PAICS: variants seen among roughly 807,000 people sequenced by gnomAD.
PAICS encodes the protein bifunctional phosphoribosylaminoimidazole carboxylase/phosphoribosylaminoimidazole succinocarboxamide synthetase.
Under a neutral mutation model 53.7 loss-of-function variants are expected in PAICS, and 33 were observed. The ratio of observed to expected loss-of-function variants is 0.61; its 90% CI spans 0.47 to 0.82. The LOEUF (loss-of-function observed/expected upper bound fraction) is 0.82, where lower values mean the gene tolerates loss of function less well. PAICS is among the 40% of genes least tolerant of loss of function. PAICS has a pLI of 0.00. For missense variants in PAICS, 394 were observed against 494.1 expected (o/e 0.80, Z 1.92); for synonymous variants, 141 against 167.2 (o/e 0.84, Z 1.21).
chr4:56,452,543 A>C (rs558462528), intron 7 of PAICS, among the ~76,000 whole-genome samples: 1 of 152,336 alleles, frequency 6.6e-6, no homozygotes, highest in East Asian at 1.9e-4. Context: ...AGAAAGGAGC[A>C]GGGAGAAATA....
chr4:56,436,149 A>T (rs1171029477), upstream of PAICS: 14 of 1,489,428 alleles, frequency 9.4e-6, no homozygotes, highest in African/African-American at 1.4e-5. Flanking sequence ...GTCTCCGCCC[A>T]TACCCCTCCG....
chr4:56,431,544 A>C (rs2110069424), upstream of PAICS: 1 of 978,470 alleles, frequency 1.0e-6, no homozygotes, highest in Admixed American at 6.1e-5. Flanking sequence ...ACCCAACTTC[A>C]TCAGGTAAAT....
At chr4:56,412,891 T>C in the PAICS span, among the ~76,000 whole-genome samples, 8 of 152,226 alleles carry the variant, frequency 5.3e-5, no homozygotes, top group South Asian at 2.1e-4. Context: ...ATTATAAAAT[T>C]ATAAGCACAT....
the PAICS span, among the ~76,000 whole-genome samples, chr4:56,413,972 T>C: frequency 1.3e-5 from 2 of 152,226 alleles, no homozygotes; most frequent in African/African-American, 4.8e-5. Flanking sequence ...GATATACAAA[T>C]TGGTAACTTT....
the PAICS span, among the ~76,000 whole-genome samples, chr4:56,416,829 A>T: frequency 1.5e-4 from 23 of 152,188 alleles, no homozygotes; most frequent in Middle Eastern, 6.8e-3. Flanking sequence ...CAATGAATTA[A>T]ATTCAGTGTA....
At chr4:56,440,789 T>C (rs1718298157) in intron 1 of PAICS, among the ~76,000 whole-genome samples, 1 of 152,246 alleles carries the variant, frequency 6.6e-6, no homozygotes, top group Admixed American at 6.5e-5. Flanking sequence ...GGAATTATTA[T>C]TTACTGGTAC....
chr4:56,436,340 G>A lies in PAICS; in HGVS notation c.16+12G>A, dbSNP rs543734641. ...GGCGACAGCTGAGGGTGAGTAACAG[G>A]GATCCGGGCCCTTCACGGTCTCCCT... On this transcript the variant is annotated intron_variant, in intron 1 of 8. Transcript: ENST00000512576. 2 of 1,581,458 alleles carry A rather than the reference G, an allele frequency of 1.3e-6. No individual in the cohort carries two copies. The highest frequency in any genetic ancestry group is 1.3e-5 in the African/African-American group (1 of 74,144).
Position 56,446,695 on chromosome 4 carries a change from G to A in PAICS, c.215G>A (p.Gly72Asp). The A allele has an allele frequency of 6.3e-7, 1 of 1,578,240 alleles. No individual in the cohort carries two copies. The change falls in exon 3 of 9, where the codon GGT (glycine) becomes GAT (aspartate). Residue 72 changes from glycine (G) to aspartate (D), a missense_variant and splice_region_variant. Gly to Asp is a moderately conservative substitution (Grantham distance 94, BLOSUM62 -1). This residue lies in a region of PAICS where 168 missense variants were observed against 199.3 expected (regional missense o/e 0.84). Transcript: ENST00000512576. Reference sequence around the variant, plus strand: ...TTTAACTTTGGTTATCAATATGTAGGTATTAAAACTGCCTTCACCAGAAAA... The same window carrying A: ...TTTAACTTTGGTTATCAATATGTAGATATTAAAACTGCCTTCACCAGAAAA... ...SCIFQLLQEA[G>D]IKTAFTRKCG...
At chr4:56,442,277 C>T (rs1353385982) in intron 2 of PAICS, among the ~76,000 whole-genome samples, 1 of 152,162 alleles carries the variant, frequency 6.6e-6, no homozygotes, top group African/African-American at 2.4e-5. Context: ...TTTCAAATTC[C>T]TCTTCCACTT....
intron 2 of PAICS, among the ~76,000 whole-genome samples, chr4:56,444,368 A>C (rs181486919): frequency 1.1e-3 from 165 of 152,294 alleles, no homozygotes; most frequent in African/African-American, 3.8e-3. Flanking sequence ...ATGAAATCCC[A>C]ATTTCCTCAC....
intron 2 of PAICS, among the ~76,000 whole-genome samples, chr4:56,444,848 T>C (rs1023114062): frequency 6.6e-6 from 1 of 152,094 alleles, no homozygotes; most frequent in Non-Finnish European, 1.5e-5. Flanking sequence ...AACAATAAAA[T>C]TGGATACTAC....
chr4:56,435,678 TCCA>T (rs1717875625), upstream of PAICS: 1 of 1,444,704 alleles, frequency 6.9e-7, no homozygotes. Flanking sequence ...CCCCTCCGAG[TCCA>T]CCAACGAGCG....
At chr4:56,447,168 C>A in intron 3 of PAICS, among the ~76,000 whole-genome samples, 1 of 151,730 alleles carries the variant, frequency 6.6e-6, no homozygotes, top group Middle Eastern at 3.4e-3. Flanking sequence ...TAGTTGAAAT[C>A]TTTTTATATT....
chr4:56,450,759 TGTTTC>T, intron 6 of PAICS, 57 bp downstream of exon 6: 1 of 877,488 alleles, frequency 1.1e-6, no homozygotes. Context: ...AAGAAAATCT[TGTTTC>T]AAAAGAAAAA....
intron 8 of PAICS, among the ~76,000 whole-genome samples, chr4:56,459,116 G>C (rs1719369394): frequency 6.6e-6 from 1 of 152,162 alleles, no homozygotes; most frequent in Admixed American, 6.5e-5. Context: ...TTGTAAGTGA[G>C]TTCTATAAGA....
chr4:56,452,187 C>G, intron 7 of PAICS, 135 bp downstream of exon 7: 1 of 597,428 alleles, frequency 1.7e-6, no homozygotes, highest in Non-Finnish European at 2.9e-6. Context: ...ACTAGGCTTT[C>G]TTTTTTTTTG....
chr4:56,453,006 A>G (rs555454613), intron 7 of PAICS, among the ~76,000 whole-genome samples: 71 of 152,340 alleles, frequency 4.7e-4, no homozygotes, highest in African/African-American at 1.7e-3. Flanking sequence ...TTGCAAATAC[A>G]TACAATTTTG....
intron 8 of PAICS, 84 bp downstream of exon 8, chr4:56,453,845 C>T: frequency 1.1e-6 from 1 of 918,174 alleles, no homozygotes; most frequent in Non-Finnish European, 1.6e-6. Context: ...ATAATAAAAT[C>T]TCATGTACCC....
In PAICS at chr4:56,441,689, GA is replaced by G; in HGVS notation, c.44del (p.Glu15GlyfsTer11). 1 of 1,582,210 alleles carries G rather than the reference GA, an allele frequency of 6.3e-7. No homozygotes were observed. Among genetic ancestry groups the G allele is most frequent in the Non-Finnish European group, 8.6e-7 (1 of 1,166,602 alleles). ...ACTGAACATTGGTAAAAAATTATAT[GA>G]GGGTAAAACAAAAGAAGTCTACGAA... The part of the protein sequence containing the change: ...EVLNIGKKLY[E>X]GKTKEVYELL... On this transcript the variant is annotated frameshift_variant, in exon 2 of 9. Transcript: ENST00000512576. LOFTEE classifies it high-confidence loss of function.
Sources: gnomAD v4.1 joint callset for allele counts (sites outside exome capture counted in the v4.1 genomes callset) on GRCh38, gnomAD v4.1.1 for gene constraint, gnomAD v4.1.1 regional missense constraint, MANE v1.5 for transcripts, NCBI Gene and HGNC (gene_info 2026-07-23, HGNC 2026-07-21) for gene names.